PHIP: variants seen among roughly 807,000 people sequenced by gnomAD.
PHIP encodes PH-interacting protein.
PHIP carries 54 observed loss-of-function variants against 236.8 expected under a neutral mutation model. The ratio of observed to expected loss-of-function variants is 0.23; its 90% CI spans 0.18 to 0.29. PHIP has a LOEUF of 0.29. Among genes scored for constraint, PHIP ranks in the 10% least tolerant of loss-of-function variants. PHIP has a pLI of 1.00. For synonymous variants in PHIP, 756 were observed against 718.9 expected (o/e 1.05, Z -0.83); for missense variants, 1,370 against 2,190.8 (o/e 0.63, Z 7.48).
rs769264147 is a variant in PHIP, at chr6:78,982,902, T to C, written c.2753A>G (p.Lys918Arg). ...GPISPKKKKP[K>R]ERKQKRLAVG... ...AAACCAAACCTTTTGTTTTCTTTCT[T>C]TGGGCTTCTTTTTCTTTGGTGATAT... is the stretch of plus-strand genomic sequence containing the variant. Residue 918 changes from lysine to arginine, a missense_variant, in exon 23 of 40, where the codon AAA becomes AGA. Coordinates refer to ENST00000275034, the MANE Select transcript of PHIP (RefSeq NM_017934.7). 6.4e-7 allele frequency: 1 copy of C among 1,562,688 alleles called. No homozygotes were observed. The highest frequency in any genetic ancestry group is 8.6e-7 in the Non-Finnish European group (1 of 1,162,366).
intron 16 of PHIP, among the ~76,000 whole-genome samples, chr6:79,002,938 T>A (rs1331893407): frequency 1.3e-5 from 2 of 152,254 alleles, no homozygotes; most frequent in South Asian, 4.1e-4. Flanking sequence ...ATTATTAATA[T>A]AAACTCAACC....
At position 78,939,466 on chromosome 6, in the gene PHIP, C is replaced by T. The variant is rs768054489; in HGVS notation, c.*1227G>A. 5 of 151,584 alleles carry T rather than the reference C, an allele frequency of 3.3e-5. No individual in the cohort carries two copies. Among genetic ancestry groups the T allele is most frequent in the Admixed American group, 3.3e-4 (5 of 15,214 alleles). The allele number at this position is 151,584 out of a possible 1,614,324, so 9.4% of individuals were successfully genotyped here. A position where few individuals can be genotyped will look rare whatever the true frequency, so the allele number is the denominator to read the frequency against. On this transcript the variant is annotated 3_prime_UTR_variant, in exon 40 of 40. Coordinates refer to ENST00000275034, the MANE Select transcript of PHIP (RefSeq NM_017934.7). The stretch of plus-strand genomic sequence containing the variant: ...TTAACCTTTAATAATTGAAAATAAC[C>T]AATTTCCCCCTTAAAATTAAACTAT...
In PHIP at chr6:78,955,660, T is replaced by C. The variant is rs750044760; in HGVS notation, c.3805A>G (p.Ile1269Val). 1.4e-4 allele frequency: 150 copies of C among 1,086,824 alleles called. No individual in the cohort carries two copies. The highest frequency in any genetic ancestry group is 8.0e-4 in the Middle Eastern group (4 of 4,982). 67.3% of individuals were successfully genotyped at this position (1,086,824 alleles called of 1,614,324 possible). A position where few individuals can be genotyped will look rare whatever the true frequency, so the allele number is the denominator to read the frequency against. Reference sequence around the variant, plus strand: ...TTCTTCATTGAATTATAAAGTGGAATTATGTTATAACAAGTCTGATCCCTA... The same window carrying C: ...TTCTTCATTGAATTATAAAGTGGAACTATGTTATAACAAGTCTGATCCCTA... ...FIKDQTCYNIIPLYNSMKKKV... is the reference protein window; with the variant it reads ...FIKDQTCYNIVPLYNSMKKKV... Residue 1269 changes from isoleucine to valine, a missense_variant, in exon 33 of 40, where the codon ATT (isoleucine) becomes GTT (valine). By Grantham distance (29) the Ile-to-Val change is conservative (BLOSUM62 3). Around this residue, in one of 14 missense-constraint regions of PHIP, gnomAD observed 38 missense variants for 27.6 expected, o/e 1.38. Coordinates refer to ENST00000275034, the MANE Select transcript of PHIP (RefSeq NM_017934.7).
chr6:78,969,339 A>G (rs770966178), intron 27 of PHIP, among the ~76,000 whole-genome samples: 3 of 152,106 alleles, frequency 2.0e-5, no homozygotes, highest in African/African-American at 7.2e-5. Flanking sequence ...TAAGAGAACT[A>G]CTCTCATAAG....
At chr6:78,978,732 A>T in intron 23 of PHIP, 21 bp from the exon 24 acceptor site, 1 of 1,572,704 alleles carries the variant, frequency 6.4e-7, no homozygotes, top group Non-Finnish European at 8.7e-7. Context: ...TTAAGTAATA[A>T]TTGTTAAGTA....
At chr6:79,029,497 A>C (rs1161120952) in intron 7 of PHIP, among the ~76,000 whole-genome samples, 1 of 152,182 alleles carries the variant, frequency 6.6e-6, no homozygotes, top group Non-Finnish European at 1.5e-5. Context: ...AAAATGTTTA[A>C]AGCACTATAA....
At position 78,970,062 on chromosome 6, in the gene PHIP, A is replaced by G; in HGVS notation, c.3109T>C (p.Ser1037Pro). The change falls in exon 26 of 40, where the codon TCA becomes CCA. Residue 1037 changes from serine (S) to proline (P), a missense_variant. By Grantham distance (74) the Ser-to-Pro change is moderately conservative. This residue lies in a region of PHIP where 238 missense variants were observed against 398.5 expected (regional missense o/e 0.60). Transcript: ENST00000275034. Reference sequence around the variant, plus strand: ...AACAGTCCTTACTTCATGGTAAATGATCCGCCAGTCAGTTTACCAGTATCA... The same window carrying G: ...AACAGTCCTTACTTCATGGTAAATGGTCCGCCAGTCAGTTTACCAGTATCA... ...DPDTGKLTGG[S>P]FTMKYHDMPD... 6.2e-7 allele frequency: 1 copy of G among 1,613,574 alleles called. No individual in the cohort carries two copies. Among genetic ancestry groups the G allele is most frequent in the Non-Finnish European group, 8.5e-7 (1 of 1,179,666 alleles).
intron 27 of PHIP, among the ~76,000 whole-genome samples, chr6:78,968,494 G>A (rs9343856): frequency 0.45 from 68,261 of 152,044 alleles, 15,998 homozygotes; most frequent in East Asian, 0.69. Flanking sequence ...ACATCGGGGG[G>A]TTCCGTAGGA....
At chr6:79,019,277 T>C in intron 9 of PHIP, 118 bp from the exon 10 acceptor site, 1 of 683,276 alleles carries the variant, frequency 1.5e-6, no homozygotes, top group Non-Finnish European at 2.5e-6. Flanking sequence ...GATGGCTCCC[T>C]TCCTAAAAAC....
intron 24 of PHIP, among the ~76,000 whole-genome samples, chr6:78,971,571 G>A (rs979701439): frequency 2.0e-5 from 3 of 152,194 alleles, no homozygotes; most frequent in Non-Finnish European, 4.4e-5. Context: ...CTCCCAGCCT[G>A]AACGATGCAG....
At chr6:79,066,670 T>A (rs141507271) in intron 4 of PHIP, among the ~76,000 whole-genome samples, 1 of 152,164 alleles carries the variant, frequency 6.6e-6, no homozygotes, top group Admixed American at 6.5e-5. Context: ...TAAATTCCTA[T>A]AGGTAAAAGG....
At chr6:78,959,755 T>G (rs1766654336) in intron 31 of PHIP, among the ~76,000 whole-genome samples, 1 of 152,262 alleles carries the variant, frequency 6.6e-6, no homozygotes, top group Non-Finnish European at 1.5e-5. Context: ...ACTAGGGTAA[T>G]GCCAAAAGCC....
At position 78,935,215 on chromosome 6, in the gene PHIP, C is replaced by A. The variant is rs1179594816; in HGVS notation, c.*5478G>T. Reference sequence around the variant, plus strand: ...AAAGGTTATCAGGAATTTTTTTTACCTTCCTTCCTCAACTTAGAAATTTAT... The same window carrying A: ...AAAGGTTATCAGGAATTTTTTTTACATTCCTTCCTCAACTTAGAAATTTAT... On this transcript the variant is annotated 3_prime_UTR_variant, in exon 40 of 40. Transcript: ENST00000275034. 6.6e-6 allele frequency among the ~76,000 whole-genome samples: 1 copy of A among 151,858 alleles called. No homozygotes were observed. Among genetic ancestry groups the A allele is most frequent in the Non-Finnish European group, 1.5e-5 (1 of 67,950 alleles).
intron 4 of PHIP, among the ~76,000 whole-genome samples, chr6:79,064,425 T>A (rs1420401094): frequency 6.6e-6 from 1 of 152,194 alleles, no homozygotes; most frequent in Admixed American, 6.5e-5. Flanking sequence ...CCATAGTCCA[T>A]CTAATTTCGT....
In PHIP at chr6:78,955,265, A is replaced by T; in HGVS notation, c.3870T>A (p.Ala1290=). ...TTCGAGTAGAAGTTCCTGGCACATC[A>T]GCATCTTTCTCTTCATCCTTTGAGG... ...LSDSEDEEKD[A]DVPGTSTRKR... is the part of the protein sequence containing the mutation. The change falls in exon 34 of 40, where the codon GCT becomes GCA. Residue 1290 remains alanine (A), a synonymous_variant. Transcript: ENST00000275034. 1 of 1,610,292 alleles carries T rather than the reference A, an allele frequency of 6.2e-7. No homozygotes were observed. The highest frequency in any genetic ancestry group is 8.5e-7 in the Non-Finnish European group (1 of 1,177,330).
At chr6:78,962,750 T>C (rs1181930242) in intron 30 of PHIP, among the ~76,000 whole-genome samples, 1 of 152,178 alleles carries the variant, frequency 6.6e-6, no homozygotes, top group Non-Finnish European at 1.5e-5. Flanking sequence ...GCTACCCATA[T>C]AATTATAACT....
intron 4 of PHIP, among the ~76,000 whole-genome samples, chr6:79,076,587 C>A (rs186240613): frequency 6.6e-6 from 1 of 152,178 alleles, no homozygotes; most frequent in East Asian, 1.9e-4. Context: ...TTTTGACAAC[C>A]CACAAAATTA....
At chr6:79,015,480 CT>C in intron 14 of PHIP, 149 bp downstream of exon 14, 2 of 652,678 alleles carry the variant, frequency 3.1e-6, no homozygotes, top group Admixed American at 6.1e-5. Context: ...TTTAACTGCA[CT>C]GTTAAAATTA....
intron 19 of PHIP, among the ~76,000 whole-genome samples, chr6:78,992,650 AT>A (rs1382938266): frequency 1.3e-5 from 2 of 152,002 alleles, no homozygotes; most frequent in African/African-American, 2.4e-5. Context: ...GTTGTCAGTA[AT>A]TTTTTATGCT....
Sources: allele counts gnomAD v4.1 joint callset (sites outside exome capture counted in the v4.1 genomes callset), GRCh38; gene constraint gnomAD v4.1.1; regional missense constraint gnomAD v4.1.1; transcripts MANE v1.5; gene names NCBI Gene and HGNC (gene_info 2026-07-23, HGNC 2026-07-21).